APTX: variants seen among roughly 807,000 people sequenced by gnomAD.
The protein encoded by APTX is forkhead-associated domain histidine triad-like protein.
A neutral mutation model predicts 42.3 loss-of-function variants in APTX; 33 were observed. The observed-to-expected ratio is 0.78, with a 90% CI of 0.59 to 1.04. The LOEUF (loss-of-function observed/expected upper bound fraction) is 1.04, where lower values mean the gene tolerates loss of function less well. APTX is among the 50% of genes least tolerant of loss of function. The pLI, the probability that APTX is intolerant of heterozygous loss-of-function variation, is 0.00. For missense variants in APTX, 421 were observed against 415.1 expected, an observed-to-expected ratio of 1.01 and a Z score of -0.12; for synonymous variants, 130 against 146.7, an observed-to-expected ratio of 0.89 and a Z score of 0.82.
At chr9:33,010,093 G>C (rs1448696102) in intron 1 of APTX, among the ~76,000 whole-genome samples, 2 of 152,132 alleles carry the variant, frequency 1.3e-5, no homozygotes, top group Non-Finnish European at 2.9e-5. Flanking sequence ...GCTGCCTTCT[G>C]CACCATCTCC....
upstream of APTX, among the ~76,000 whole-genome samples, chr9:33,004,888 C>T (rs550872876): frequency 1.3e-5 from 2 of 151,968 alleles, no homozygotes; most frequent in Non-Finnish European, 2.9e-5. Context: ...GATCCACCCA[C>T]CTCGGCCTCC....
chr9:33,020,106 G>A (rs1556251), intron 1 of APTX: 30,476 of 379,164 alleles, frequency 0.08, 1,561 homozygotes, highest in Non-Finnish European at 0.11. Context: ...TGGCGCCTCC[G>A]CCTGCGTCTG....
chr9:33,004,547 ACT>A (rs374913669), upstream of APTX, among the ~76,000 whole-genome samples: 386 of 151,872 alleles, frequency 2.5e-3, 1 homozygote, highest in African/African-American at 9.1e-3. Flanking sequence ...GAACTGTCAC[ACT>A]GTTTTCCATA....
rs138147431 is a variant in APTX at position 32,986,385 on chromosome 9, C to T, written c.484-355G>A. ...TAACTTTTGTATTTTTTAGTAGAGA[C>T]GGAGTTTCACCAGGTTGGCCATGCT... On this transcript the variant is annotated intron_variant, in intron 4 of 7. Transcript: ENST00000379817. Among the ~76,000 whole-genome samples, 631 of 151,326 alleles carry T rather than the reference C, an allele frequency of 4.2e-3. 4 individuals are homozygous for T. The highest frequency in any genetic ancestry group is 0.014 in the African/African-American group (582 of 41,254).
In APTX at chr9:32,987,704, C is replaced by G; in HGVS notation, c.323G>C (p.Gly108Ala). 1 of 1,614,158 alleles carries G rather than the reference C, an allele frequency of 6.2e-7. No individual in the cohort carries two copies. The highest frequency in any genetic ancestry group is 1.1e-5 in the South Asian group (1 of 91,082). ...CTTTCTCTTCCTGTGTGTTTCCAGG[C>G]CAGGGTTCTTTGCCTCTTCCTCAAA... ...VEFEEEAKNP[G>A]LETHRKRKRS... The change falls in exon 4 of 8, where the codon GGC becomes GCC. Residue 108 changes from glycine to alanine, a missense_variant. Transcript: ENST00000379817.
chr9:33,010,553 C>G (rs999936278), intron 1 of APTX, among the ~76,000 whole-genome samples: 5 of 151,306 alleles, frequency 3.3e-5, no homozygotes, highest in Admixed American at 1.3e-4. Context: ...AACCCCGTCC[C>G]TACTAAATAT....
In APTX at chr9:32,973,073, T is replaced by C; in HGVS notation, c.*425A>G. On this transcript the variant is annotated 3_prime_UTR_variant, in exon 8 of 8. Transcript: ENST00000379817. ...CAGAAAACAAGACCCATCAGTATCT[T>C]CAGGATAAACAAGAGGCCACTCTAG... is the stretch of plus-strand genomic sequence containing the variant. 2.2e-6 allele frequency: 1 copy of C among 455,236 alleles called. No homozygotes were observed. The highest frequency in any genetic ancestry group is 1.6e-5 in the South Asian group (1 of 64,490). 28.2% of individuals were successfully genotyped at this position (455,236 alleles called of 1,614,324 possible).
At chr9:33,002,347 A>G (rs1161073911), upstream of APTX, among the ~76,000 whole-genome samples, 1 of 152,152 alleles carries the variant, frequency 6.6e-6, no homozygotes, top group African/African-American at 2.4e-5. Context: ...TGCTAGGCCC[A>G]TCTGTGCACT....
At chr9:32,986,953 C>T (rs1832333817) in intron 4 of APTX, among the ~76,000 whole-genome samples, 1 of 152,042 alleles carries the variant, frequency 6.6e-6, no homozygotes, top group African/African-American at 2.4e-5. Context: ...GGATTACAAG[C>T]ATGTGTGTAC....
At chr9:32,977,989 T>C (rs1209473726) in intron 6 of APTX, among the ~76,000 whole-genome samples, 1 of 152,220 alleles carries the variant, frequency 6.6e-6, no homozygotes, top group Non-Finnish European at 1.5e-5. Context: ...ACTAGTTGCT[T>C]GGCCAGTTTT....
chr9:32,993,222 T>G (rs146500590), intron 1 of APTX, among the ~76,000 whole-genome samples: 2 of 152,320 alleles, frequency 1.3e-5, no homozygotes, highest in East Asian at 3.9e-4. Flanking sequence ...GTTCTCAAGT[T>G]ATGGTGTTCC....
At position 32,973,247 on chromosome 9, in the gene APTX, T is replaced by C. The variant is rs1259863758; in HGVS notation, c.*251A>G. 6.8e-6 allele frequency: 4 copies of C among 592,478 alleles called. No homozygotes were observed. Among genetic ancestry groups the C allele is most frequent in the Non-Finnish European group, 1.3e-5 (4 of 317,230 alleles). 36.7% of individuals were successfully genotyped at this position (592,478 alleles called of 1,614,324 possible). A position where few individuals can be genotyped will look rare whatever the true frequency, so the allele number is the denominator to read the frequency against. On this transcript the variant is annotated 3_prime_UTR_variant, in exon 8 of 8. Coordinates refer to ENST00000379817, the MANE Select transcript of APTX (RefSeq NM_001195248.2). ...CAATGGTCAGACCTGACATGGGTCC[T>C]TCTGAAGATGGTGGGTCAGGTATAT...
chr9:32,994,073 A>T (rs1287684275), intron 1 of APTX, among the ~76,000 whole-genome samples: 6 of 152,184 alleles, frequency 3.9e-5, no homozygotes, highest in Non-Finnish European at 8.8e-5. Flanking sequence ...AGAAATTCTG[A>T]TTATTCCTTA....
In APTX at chr9:32,987,618, CT is replaced by C. The variant is rs1832504572; in HGVS notation, c.408del (p.Leu138TrpfsTer14). The C allele has an allele frequency of 1.2e-6, 2 of 1,614,198 alleles. No homozygotes were observed. Among genetic ancestry groups the C allele is most frequent in the Non-Finnish European group, 1.7e-6 (2 of 1,180,040 alleles). Reference protein sequence around the residue: ...RDAAQEAEAGTGLEPGSNSGQ... With the variant: ...RDAAQEAEAGXGLEPGSNSGQ... Reference sequence around the variant, plus strand: ...CCAGAGTTGCTCCCAGGTTCCAGCCCTGTCCCAGCCTCAGCTTCCTGAGCAG... The same window carrying C: ...CCAGAGTTGCTCCCAGGTTCCAGCCCGTCCCAGCCTCAGCTTCCTGAGCAG... On this transcript the variant is annotated frameshift_variant, in exon 4 of 8. Coordinates refer to ENST00000379817, the MANE Select transcript of APTX (RefSeq NM_001195248.2). LOFTEE classifies it high-confidence loss of function.
chr9:33,015,282 A>C (rs1837815266), intron 1 of APTX, among the ~76,000 whole-genome samples: 1 of 152,208 alleles, frequency 6.6e-6, no homozygotes, highest in African/African-American at 2.4e-5. Flanking sequence ...GTGATGTGGG[A>C]ACACAAATAA....
Position 32,974,469 on chromosome 9 carries a change from AG to A in APTX, c.862del (p.Leu288Ter). 1 of 1,578,832 alleles carries A rather than the reference AG, an allele frequency of 6.3e-7. No individual in the cohort carries two copies. Among genetic ancestry groups the A allele is most frequent in the Non-Finnish European group, 8.7e-7 (1 of 1,148,388 alleles). ...HWNSFNTEYFLESQAVIEMVQ... is the reference protein window; with the variant it reads ...HWNSFNTEYFXESQAVIEMVQ... ...GGAACACTGTTTACCTTGTGATTCTAGGAAGTATTCTGTATTGAAAGAATTC... is the reference window on the plus strand; with the variant it reads ...GGAACACTGTTTACCTTGTGATTCTAGAAGTATTCTGTATTGAAAGAATTC... On this transcript the variant is annotated frameshift_variant, in exon 7 of 8. Transcript: ENST00000379817. LOFTEE classifies it high-confidence loss of function.
At chr9:32,998,759 T>C (rs1297232388) in intron 1 of APTX, among the ~76,000 whole-genome samples, 1 of 151,862 alleles carries the variant, frequency 6.6e-6, no homozygotes, top group African/African-American at 2.4e-5. Flanking sequence ...TTAGGAGAAA[T>C]ACCTAATGTA....
intron 1 of APTX, among the ~76,000 whole-genome samples, chr9:33,014,106 A>G (rs1474513059): frequency 6.6e-6 from 1 of 152,160 alleles, no homozygotes; most frequent in African/African-American, 2.4e-5. Flanking sequence ...GGTCTTCCCA[A>G]TGCTCAGCAC....
intron 1 of APTX, among the ~76,000 whole-genome samples, chr9:32,993,840 T>G (rs936202276): frequency 6.6e-6 from 1 of 150,890 alleles, no homozygotes; most frequent in African/African-American, 2.4e-5. Flanking sequence ...TGCCTCAGCC[T>G]CCTGAGCAGC....
Sources: gnomAD v4.1 joint callset for allele counts (sites outside exome capture counted in the v4.1 genomes callset) on GRCh38, gnomAD v4.1.1 for gene constraint, MANE v1.5 for transcripts, NCBI Gene and HGNC (gene_info 2026-07-23, HGNC 2026-07-21) for gene names.